Variants in KLKB1 observed in about 807,000 individuals in gnomAD.
KLKB1 encodes the protein kallikrein B1, also known as plasma kallikrein.
KLKB1 carries 58 observed loss-of-function variants against 73.6 expected under a neutral mutation model. The ratio of observed to expected loss-of-function variants is 0.79; its 90% CI spans 0.64 to 0.98. The LOEUF is 0.98. KLKB1 is among the 50% of genes least tolerant of loss of function. The pLI is 0.00. For missense variants in KLKB1, 737 were observed against 763.8 expected (o/e 0.96, Z 0.41); for synonymous variants, 280 against 258.1 (o/e 1.08, Z -0.81).
In KLKB1 at chr4:186,214,692, CTAAT is replaced by C. The variant is rs144748839; in HGVS notation, c.201+5424_201+5427del. On this transcript the variant is annotated intron_variant, in intron 2 of 14. Transcript: ENST00000511608. ...TGGACTAATTAGTCATTTTTCTCCT[CTAAT>C]TAAACCAGGTTCATTTTCCTGCTGG... Among the ~76,000 whole-genome samples, 1,492 of 152,298 alleles carry C rather than the reference CTAAT, an allele frequency of 9.8e-3. 24 individuals carry two copies. The highest frequency in any genetic ancestry group is 0.034 in the African/African-American group (1,423 of 41,564).
rs748338981 is a variant in KLKB1, at chr4:186,251,616, AT to A, written c.1000del (p.Ser334LeufsTer16). On this transcript the variant is annotated frameshift_variant, in exon 9 of 15. Coordinates refer to ENST00000264690, the MANE Select transcript of KLKB1 (RefSeq NM_000892.5). LOFTEE classifies it high-confidence loss of function. ...TKMIRCQFFT[Y>X]SLLPEDCKEE... is the part of the protein sequence containing the mutation. ...ATGATTCGCTGTCAGTTTTTCACTT[AT>A]TCTTTACTCCCAGAAGACTGTAAGG... 3 of 1,614,138 alleles carry A rather than the reference AT, an allele frequency of 1.9e-6. No homozygotes were observed. The highest frequency in any genetic ancestry group is 2.5e-6 in the Non-Finnish European group (3 of 1,180,002).
At position 186,251,153 on chromosome 4, in the gene KLKB1, G is replaced by C. The variant is rs961960713; in HGVS notation, c.759-66G>C. ...TGCTTTTTGGGTGTGAGCTGCTTTTGTATTTGCCTAATGCCTTTAATGCAA... is the reference window on the plus strand; with the variant it reads ...TGCTTTTTGGGTGTGAGCTGCTTTTCTATTTGCCTAATGCCTTTAATGCAA... On this transcript the variant is annotated intron_variant, in intron 7 of 14. Coordinates refer to ENST00000264690, the MANE Select transcript of KLKB1 (RefSeq NM_000892.5). 49 of 1,042,984 alleles carry C rather than the reference G, an allele frequency of 4.7e-5. No individual in the cohort carries two copies. The African/African-American group carries it at 7.2e-4, about 15-fold the overall frequency. 64.6% of individuals were successfully genotyped at this position (1,042,984 alleles called of 1,614,324 possible).
intron 2 of KLKB1, among the ~76,000 whole-genome samples, chr4:186,220,849 C>T (rs1462655248): frequency 2.0e-5 from 2 of 102,278 alleles, no homozygotes; most frequent in East Asian, 7.3e-4. Flanking sequence ...GAAGTGTTTC[C>T]TCCTTTTCAA....
Position 186,251,544 on chromosome 4 carries a change from T to C in KLKB1, c.926T>C (p.Val309Ala). The stretch of plus-strand genomic sequence containing the variant: ...GACTTTGGAGGAGAAGAATTGAATG[T>C]GACTTTTGTTAAAGGAGTGAATGTT... Reference protein sequence around the residue: ...GVDFGGEELNVTFVKGVNVCQ... With the variant: ...GVDFGGEELNATFVKGVNVCQ... Residue 309 changes from valine to alanine, a missense_variant, in exon 9 of 15, where the codon GTG becomes GCG. Val to Ala is a moderately conservative substitution (Grantham distance 64, BLOSUM62 0). Transcript: ENST00000264690. The C allele has an allele frequency of 1.2e-6, 2 of 1,614,068 alleles. No individual in the cohort carries two copies. Among genetic ancestry groups the C allele is most frequent in the South Asian group, 2.2e-5 (2 of 91,082 alleles).
At chr4:186,252,671 A>C (rs148444035) in intron 11 of KLKB1, among the ~76,000 whole-genome samples, 1 of 59,012 alleles carries the variant, frequency 1.7e-5, no homozygotes, top group Non-Finnish European at 3.3e-5. Context: ...CACCAATCCC[A>C]CCACCTACCC....
At chr4:186,211,094 C>T (rs1312274451) in intron 2 of KLKB1, 1 of 169,958 alleles carries the variant, frequency 5.9e-6, no homozygotes, top group Non-Finnish European at 1.3e-5. Flanking sequence ...CTGCCTCAGC[C>T]TCCCAAAGTG....
At chr4:186,244,273 A>G (rs543602651) in intron 6 of KLKB1, among the ~76,000 whole-genome samples, 2 of 152,190 alleles carry the variant, frequency 1.3e-5, no homozygotes, top group South Asian at 2.1e-4. Context: ...TCAGGATGGT[A>G]AAACTTAGTA....
chr4:186,257,488 A>G, intron 14 of KLKB1, 123 bp downstream of exon 14: 1 of 708,098 alleles, frequency 1.4e-6, no homozygotes, highest in South Asian at 2.7e-5. Flanking sequence ...TGATCTGATA[A>G]ATTGATAAGC....
chr4:186,239,391 T>C (rs929270234), intron 6 of KLKB1, among the ~76,000 whole-genome samples: 1 of 150,796 alleles, frequency 6.6e-6, no homozygotes, highest in African/African-American at 2.4e-5. Flanking sequence ...TACAGTGATA[T>C]AGGACAGTGA....
intron 6 of KLKB1, among the ~76,000 whole-genome samples, chr4:186,246,454 A>G (rs1231100341): frequency 6.6e-6 from 1 of 152,186 alleles, no homozygotes; most frequent in Non-Finnish European, 1.5e-5. Context: ...TGCCCATTTT[A>G]TGACAAGAAT....
chr4:186,247,629 T>C (rs527747032), intron 6 of KLKB1, among the ~76,000 whole-genome samples: 12 of 152,288 alleles, frequency 7.9e-5, no homozygotes, highest in African/African-American at 2.9e-4. Flanking sequence ...TACATACACT[T>C]TGGAAAAGAT....
chr4:186,232,457 C>T (rs936260036), intron 3 of KLKB1, among the ~76,000 whole-genome samples, 168 bp downstream of exon 3: 5 of 152,178 alleles, frequency 3.3e-5, no homozygotes, highest in Non-Finnish European at 7.3e-5. Flanking sequence ...TAGGCCACAA[C>T]CCAGATCTGC....
At chr4:186,241,359 GA>G (rs1439098286) in intron 6 of KLKB1, among the ~76,000 whole-genome samples, 1 of 152,190 alleles carries the variant, frequency 6.6e-6, no homozygotes, top group African/African-American at 2.4e-5. Context: ...CAACACAGCT[GA>G]TGAGCTGAAC....
intron 11 of KLKB1, among the ~76,000 whole-genome samples, chr4:186,254,096 G>C (rs757434818): frequency 6.6e-6 from 1 of 152,228 alleles, no homozygotes; most frequent in Non-Finnish European, 1.5e-5. Flanking sequence ...GCCTCCCGAA[G>C]TGCTGGGATT....
chr4:186,223,633 C>T (rs1031699811), upstream of KLKB1, among the ~76,000 whole-genome samples: 3 of 152,108 alleles, frequency 2.0e-5, no homozygotes, highest in African/African-American at 4.8e-5. Flanking sequence ...TCAAATATAA[C>T]CTGGCTTTTT....
At chr4:186,218,233 A>C (rs1164975607) in intron 2 of KLKB1, among the ~76,000 whole-genome samples, 2 of 152,238 alleles carry the variant, frequency 1.3e-5, no homozygotes, top group Non-Finnish European at 2.9e-5. Context: ...CTAAGATTTC[A>C]GTGTTATATG....
intron 6 of KLKB1, among the ~76,000 whole-genome samples, chr4:186,243,601 C>T (rs1482172836): frequency 6.6e-6 from 1 of 152,152 alleles, no homozygotes; most frequent in Non-Finnish European, 1.5e-5. Flanking sequence ...GTAAAGTGGC[C>T]TTGAGAGGAG....
At chr4:186,253,627 A>C (rs1384983823) in intron 11 of KLKB1, among the ~76,000 whole-genome samples, 2 of 119,258 alleles carry the variant, frequency 1.7e-5, no homozygotes, top group African/African-American at 6.2e-5. Flanking sequence ...GCCCCTTTGC[A>C]CCTGATATCT....
At chr4:186,254,423 T>C (rs1738869345) in intron 11 of KLKB1, among the ~76,000 whole-genome samples, 165 bp from the exon 12 acceptor site, 1 of 152,230 alleles carries the variant, frequency 6.6e-6, no homozygotes, top group Non-Finnish European at 1.5e-5. Context: ...GATTCACTAC[T>C]GCCGCTATTG....
Sources: allele counts gnomAD v4.1 joint callset (sites outside exome capture counted in the v4.1 genomes callset), GRCh38; gene constraint gnomAD v4.1.1; transcripts MANE v1.5; gene names NCBI Gene and HGNC (gene_info 2026-07-23, HGNC 2026-07-21).